The following COL25A1 variants were observed in gnomAD, a reference collection of about 807,000 sequenced individuals.
COL25A1 encodes collagen type XXV alpha 1 chain.
A neutral mutation model predicts 128.4 loss-of-function variants in COL25A1; 103 were observed. The ratio of observed to expected loss-of-function variants is 0.80; its 90% confidence interval spans 0.68 to 0.94. The LOEUF (loss-of-function observed/expected upper bound fraction) is 0.94. Among genes scored for constraint, COL25A1 ranks in the 40% least tolerant of loss-of-function variants. The pLI, the probability that COL25A1 is intolerant of heterozygous loss-of-function variation, is 0.00. For synonymous variants in COL25A1, 279 were observed against 277.2 expected, an observed-to-expected ratio of 1.01 and a Z score of -0.06; for missense variants, 745 against 840.0, an observed-to-expected ratio of 0.89 and a Z score of 1.40.
chr4:108,824,896 T>C (rs994737914), intron 34 of COL25A1, among the ~76,000 whole-genome samples: 1 of 152,210 alleles, frequency 6.6e-6, no homozygotes, highest in South Asian at 2.1e-4. Flanking sequence ...ATTTTATGCA[T>C]ATTTTTCATA....
intron 3 of COL25A1, among the ~76,000 whole-genome samples, chr4:109,238,043 C>A (rs1267085986): frequency 6.6e-6 from 1 of 151,970 alleles, no homozygotes. Flanking sequence ...ATACATACTA[C>A]ATTTTGTTTA....
At chr4:109,234,188 C>A (rs1779329189) in intron 3 of COL25A1, among the ~76,000 whole-genome samples, 2 of 152,142 alleles carry the variant, frequency 1.3e-5, no homozygotes, top group African/African-American at 4.8e-5. Flanking sequence ...ATCAAAATGT[C>A]TCTTTGCATA....
intron 3 of COL25A1, among the ~76,000 whole-genome samples, chr4:109,097,938 A>G (rs2126017934): frequency 6.6e-6 from 1 of 152,208 alleles, no homozygotes; most frequent in South Asian, 2.1e-4. Context: ...CTGGGATTAC[A>G]GACGTGAGCC....
chr4:109,004,534 G>T (rs898331065), intron 6 of COL25A1, among the ~76,000 whole-genome samples: 1 of 152,112 alleles, frequency 6.6e-6, no homozygotes, highest in Non-Finnish European at 1.5e-5. Flanking sequence ...GTAATCCCTA[G>T]AGTTGGAGGT....
chr4:108,868,002 T>C (rs1738146038), intron 20 of COL25A1, among the ~76,000 whole-genome samples: 1 of 152,184 alleles, frequency 6.6e-6, no homozygotes, highest in African/African-American at 2.4e-5. Flanking sequence ...GCAGACGTTA[T>C]TCAGAGTAGA....
chr4:109,292,298 G>A lies in COL25A1; in HGVS notation c.367+8285C>T, dbSNP rs374985358. On this transcript the variant is annotated intron_variant, in intron 3 of 37. Transcript: ENST00000399132. ...AAAAGGTTCAGCCTTTTAAAGAAAT[G>A]TTATAAAATCCCTGTACTAATTAAT... 3.9e-5 allele frequency among the ~76,000 whole-genome samples: 6 copies of A among 152,056 alleles called. No individual in the cohort carries two copies. The East Asian group carries it at 9.6e-4, about 24-fold the overall frequency.
chr4:109,192,498 A>C (rs1775698505), intron 3 of COL25A1, among the ~76,000 whole-genome samples: 1 of 152,178 alleles, frequency 6.6e-6, no homozygotes, highest in South Asian at 2.1e-4. Flanking sequence ...TAAAAAGGTA[A>C]TTAAGTTAAA....
intron 3 of COL25A1, among the ~76,000 whole-genome samples, chr4:109,059,738 T>A (rs1199613097): frequency 6.6e-6 from 1 of 152,182 alleles, no homozygotes; most frequent in African/African-American, 2.4e-5. Context: ...ACCCATGCTG[T>A]TATATATAAG....
At chr4:109,198,138 G>A (rs919020768) in intron 3 of COL25A1, among the ~76,000 whole-genome samples, 3 of 151,994 alleles carry the variant, frequency 2.0e-5, no homozygotes, top group Admixed American at 6.6e-5. Context: ...TCTCAAAGAT[G>A]AGCGTGTGGC....
intron 22 of COL25A1, 110 bp downstream of exon 22, chr4:108,862,391 G>T: frequency 1.2e-6 from 1 of 815,206 alleles, no homozygotes; most frequent in Non-Finnish European, 2.2e-6. Context: ...CAGTTCCACT[G>T]TGTGAAAGAG....
chr4:108,926,151 T>C (rs1052015140), intron 11 of COL25A1, among the ~76,000 whole-genome samples: 1 of 152,208 alleles, frequency 6.6e-6, no homozygotes, highest in African/African-American at 2.4e-5. Flanking sequence ...GAGGTATTAA[T>C]TACTTAAACA....
chr4:109,165,687 A>T (rs1237645182), intron 3 of COL25A1, among the ~76,000 whole-genome samples: 1 of 152,182 alleles, frequency 6.6e-6, no homozygotes, highest in Non-Finnish European at 1.5e-5. Context: ...ACTGCACTCC[A>T]GCCTGAGTGA....
intron 24 of COL25A1, 43 bp from the exon 25 acceptor site, chr4:108,852,968 G>A: frequency 6.4e-7 from 1 of 1,550,778 alleles, no homozygotes; most frequent in Non-Finnish European, 8.9e-7. Flanking sequence ...TATCTATTTT[G>A]TGTGCCAAAG....
chr4:109,296,839 G>A (rs757944290), intron 3 of COL25A1, among the ~76,000 whole-genome samples: 6 of 152,072 alleles, frequency 3.9e-5, no homozygotes, highest in Non-Finnish European at 8.8e-5. Flanking sequence ...CACATCTTTT[G>A]GTTGGCTGCC....
chr4:108,962,798 A>G (rs1429696694), intron 8 of COL25A1, among the ~76,000 whole-genome samples: 2 of 152,178 alleles, frequency 1.3e-5, no homozygotes, highest in African/African-American at 2.4e-5. Flanking sequence ...CTAGTGATCA[A>G]TAAAGGTTTC....
chr4:109,068,369 C>A (rs192324627), intron 3 of COL25A1, among the ~76,000 whole-genome samples: 2 of 150,960 alleles, frequency 1.3e-5, no homozygotes, highest in Non-Finnish European at 2.9e-5. Flanking sequence ...CCATTTTTGA[C>A]AGCCAGACTG....
At chr4:108,975,965 T>C (rs2125990496) in intron 6 of COL25A1, among the ~76,000 whole-genome samples, 1 of 152,314 alleles carries the variant, frequency 6.6e-6, no homozygotes, top group Non-Finnish European at 1.5e-5. Context: ...TTGTCAGATA[T>C]ATTTACTGCA....
At chr4:109,092,770 T>A (rs1199723468) in intron 3 of COL25A1, among the ~76,000 whole-genome samples, 1 of 152,148 alleles carries the variant, frequency 6.6e-6, no homozygotes, top group Non-Finnish European at 1.5e-5. Flanking sequence ...CTTACCTTAC[T>A]TTCTAAGATT....
intron 3 of COL25A1, among the ~76,000 whole-genome samples, chr4:109,151,593 T>C (rs1771512420): frequency 6.6e-6 from 1 of 152,138 alleles, no homozygotes; most frequent in African/African-American, 2.4e-5. Flanking sequence ...TTACTTTGTA[T>C]CAACTGGTTA....
Sources: gnomAD v4.1 joint callset for allele counts (sites outside exome capture counted in the v4.1 genomes callset) on GRCh38, gnomAD v4.1.1 for gene constraint, MANE v1.5 for transcripts, NCBI Gene and HGNC (gene_info 2026-07-23, HGNC 2026-07-21) for gene names.